The following ACTN1 variants were observed in gnomAD, a reference collection of about 807,000 sequenced individuals.
The protein encoded by ACTN1 is actinin alpha 1.
Under a neutral mutation model 119.6 loss-of-function variants are expected in ACTN1, and 30 were observed. The observed-to-expected ratio is 0.25, with a 90% confidence interval of 0.19 to 0.34. The LOEUF (loss-of-function observed/expected upper bound fraction) is 0.34, where lower values mean the gene tolerates loss of function less well. Ranked by LOEUF, ACTN1 falls within the 10% of genes least tolerant of loss-of-function variation. The pLI is 1.00. For synonymous variants in ACTN1, 429 were observed against 472.6 expected (o/e 0.91, Z 1.20); for missense variants, 764 against 1,223.4 (o/e 0.62, Z 5.60).
chr14:68,879,817 C>A lies in ACTN1; in HGVS notation c.2280+145G>T. On this transcript the variant is annotated intron_variant, in intron 18 of 21. Transcript: ENST00000394419. This position sits in a 1 kb window ranked among gnomAD's most constrained non-coding sequence, Gnocchi z 4.9. ...TTTCCAAGGCTGGTTTTGCAGGGTG[C>A]ATTGAGTCAGGGCAGGCTGACGGCA... 2.6e-6 allele frequency: 3 copies of A among 1,166,368 alleles called. No individual in the cohort carries two copies. The highest frequency in any genetic ancestry group is 2.4e-6 in the Non-Finnish European group (2 of 840,200). The allele number at this position is 1,166,368 out of a possible 1,614,324, so 72.3% of individuals were successfully genotyped here.
intron 4 of ACTN1, among the ~76,000 whole-genome samples, chr14:68,910,594 G>C (rs547463590): frequency 6.6e-6 from 1 of 152,282 alleles, no homozygotes; most frequent in African/African-American, 2.4e-5. Flanking sequence ...ATGAGGTTAG[G>C]CAGGCAACTG....
intron 3 of ACTN1, among the ~76,000 whole-genome samples, chr14:68,913,739 T>C (rs2034133198): frequency 6.6e-6 from 1 of 152,212 alleles, no homozygotes; most frequent in African/African-American, 2.4e-5. Flanking sequence ...GTAACCCTTC[T>C]TGTAAACAGG....
intron 1 of ACTN1, among the ~76,000 whole-genome samples, chr14:68,945,110 G>A (rs1594855721): frequency 1.4e-5 from 2 of 144,734 alleles, no homozygotes; most frequent in Admixed American, 1.4e-4. Flanking sequence ...AGGTTGCAGT[G>A]AGCCTATTGC....
In ACTN1 at chr14:68,885,346, C is replaced by A; in HGVS notation, c.1385+79G>T. On this transcript the variant is annotated intron_variant, in intron 12 of 21. Coordinates refer to ENST00000394419, the MANE Select transcript of ACTN1 (RefSeq NM_001130004.2). The surrounding 1 kb of genome is among the most constrained non-coding windows in gnomAD (Gnocchi z 5.6). ...CCACCCTCCCCATCTTCCACGGCCA[C>A]ACCCCCACCTCCCCCAGCAGCTGAG... 9 of 1,506,134 alleles carry A rather than the reference C, an allele frequency of 6.0e-6. No homozygotes were observed. The highest frequency in any genetic ancestry group is 7.1e-6 in the Non-Finnish European group (8 of 1,124,974). 93.3% of individuals were successfully genotyped at this position (1,506,134 alleles called of 1,614,324 possible).
intron 1 of ACTN1, among the ~76,000 whole-genome samples, chr14:68,972,694 CAA>C (rs566683131): frequency 2.2e-4 from 33 of 152,292 alleles, no homozygotes; most frequent in Admixed American, 9.8e-4. Flanking sequence ...AGCGGCAGAG[CAA>C]AGTTGAGAAG....
chr14:68,921,259 G>T, intron 2 of ACTN1, 134 bp from the exon 3 acceptor site: 2 of 1,082,144 alleles, frequency 1.8e-6, no homozygotes, highest in Non-Finnish European at 2.6e-6. Context: ...GTGTGTGTGT[G>T]CTCACACGCT....
At chr14:68,978,293 C>T (rs1196741633) in intron 1 of ACTN1, 1 of 448,342 alleles carries the variant, frequency 2.2e-6, no homozygotes, top group Non-Finnish European at 4.5e-6. Context: ...CTGAGTTAAG[C>T]AATAAAACGG....
chr14:68,966,386 C>A (rs936780263), intron 1 of ACTN1, among the ~76,000 whole-genome samples: 2 of 152,054 alleles, frequency 1.3e-5, no homozygotes, highest in African/African-American at 4.8e-5. Flanking sequence ...CACCATCCTA[C>A]CATCCAATTT....
In ACTN1 at chr14:68,879,941, A is replaced by G. The variant is rs1255232698; in HGVS notation, c.2280+21T>C. 4.3e-6 allele frequency: 7 copies of G among 1,611,886 alleles called. No homozygotes were observed. In the South Asian group the frequency reaches 7.7e-5, roughly 18 times the overall value. On this transcript the variant is annotated intron_variant, in intron 18 of 21. Coordinates refer to ENST00000394419, the MANE Select transcript of ACTN1 (RefSeq NM_001130004.2). This position sits in a 1 kb window ranked among gnomAD's most constrained non-coding sequence, Gnocchi z 4.9. ...CAGGGGTTGGGGGCTGCACTAAGAA[A>G]GCACAGGATGGGGCTCTCACCCGGT...
intron 6 of ACTN1, among the ~76,000 whole-genome samples, chr14:68,906,987 G>GC (rs1018045752): frequency 1.8e-5 from 2 of 112,620 alleles, no homozygotes; most frequent in African/African-American, 6.7e-5. Context: ...AAAAACAGAA[G>GC]GGGGGCTGGG....
At chr14:68,926,409 A>G (rs4902674) in intron 1 of ACTN1, among the ~76,000 whole-genome samples, 8,850 of 152,316 alleles carry the variant, frequency 0.058, 538 homozygotes, top group African/African-American at 0.15. Context: ...AGCACCAGCT[A>G]GTGGCTCAAA....
Position 68,882,214 on chromosome 14 carries a change from G to A in ACTN1, c.1953+244C>T, listed in dbSNP as rs528201542. 1.3e-4 allele frequency among the ~76,000 whole-genome samples: 20 copies of A among 152,278 alleles called. No individual in the cohort carries two copies. The East Asian group carries it at 3.9e-3, about 29-fold the overall frequency. ...GCCTCCCAAAGTGCTGGGATTACAG[G>A]CGTGAGCCCACAGGCAGCTTCTTAG... On this transcript the variant is annotated intron_variant, in intron 16 of 21. Coordinates refer to ENST00000394419, the MANE Select transcript of ACTN1 (RefSeq NM_001130004.2). The surrounding 1 kb of genome is among the most constrained non-coding windows in gnomAD (Gnocchi z 4.5).
intron 1 of ACTN1, among the ~76,000 whole-genome samples, chr14:68,935,098 C>G (rs562345201): frequency 1.3e-5 from 2 of 152,184 alleles, no homozygotes; most frequent in Non-Finnish European, 2.9e-5. Flanking sequence ...TCTCCGCTCA[C>G]TGCAACCTCC....
At chr14:68,978,465 G>A (rs1306896208) in intron 1 of ACTN1, 4 of 327,712 alleles carry the variant, frequency 1.2e-5, no homozygotes, top group South Asian at 2.2e-5. Flanking sequence ...GGGGCAGCAG[G>A]GTCCCGGGAG....
intron 1 of ACTN1, among the ~76,000 whole-genome samples, chr14:68,970,932 C>A (rs1459757152): frequency 6.6e-6 from 1 of 152,200 alleles, no homozygotes; most frequent in Non-Finnish European, 1.5e-5. Flanking sequence ...ACTTTCCCTG[C>A]ATGTAAAATG....
At chr14:68,921,417 T>C (rs147335345) in intron 2 of ACTN1, 5,223 of 293,188 alleles carry the variant, frequency 0.018, 73 homozygotes, top group Middle Eastern at 0.074. Context: ...GGGATTTGGC[T>C]GGGTGCTAGG....
chr14:68,918,677 C>G (rs1284730652), intron 3 of ACTN1, among the ~76,000 whole-genome samples: 7 of 151,662 alleles, frequency 4.6e-5, no homozygotes, highest in Non-Finnish European at 1.0e-4. Flanking sequence ...GGGCGGATCA[C>G]AAGGTCAGGA....
intron 1 of ACTN1, among the ~76,000 whole-genome samples, chr14:68,952,848 G>T (rs989952159): frequency 6.6e-6 from 1 of 152,170 alleles, no homozygotes; most frequent in African/African-American, 2.4e-5. Context: ...CCCCCAAATG[G>T]AAAGTGTGGA....
At chr14:68,887,901 G>A (rs2032153350) in intron 11 of ACTN1, 1 of 888,766 alleles carries the variant, frequency 1.1e-6, no homozygotes, top group Non-Finnish European at 1.9e-6. Flanking sequence ...ACTTCGGCCT[G>A]TTTTCCCTTT....
Sources: allele counts gnomAD v4.1 joint callset (sites outside exome capture counted in the v4.1 genomes callset), GRCh38; gene constraint gnomAD v4.1.1; non-coding constraint Gnocchi (gnomAD v3.1); transcripts MANE v1.5; gene names NCBI Gene and HGNC (gene_info 2026-07-23, HGNC 2026-07-21).